Variants in SCN10A observed in about 807,000 individuals in gnomAD.
SCN10A encodes the protein sodium voltage-gated channel alpha subunit 10.
In SCN10A, 162 loss-of-function variants were observed where a neutral mutation model predicts 170.7. The observed-to-expected ratio is 0.95, with a 90% CI of 0.84 to 1.08. The LOEUF is 1.08. SCN10A is among the 50% of genes least tolerant of loss of function. The probability of loss-of-function intolerance (pLI) is 0.00; values close to 1 mark genes in which losing one functional copy is unlikely to be tolerated. For synonymous variants in SCN10A, 985 were observed against 904.6 expected, an observed-to-expected ratio of 1.09 and a Z score of -1.59; for missense variants, 2,527 against 2,436.9, an observed-to-expected ratio of 1.04 and a Z score of -0.78.
chr3:38,777,056 A>G (rs574987020), intron 4 of SCN10A, among the ~76,000 whole-genome samples: 32 of 152,246 alleles, frequency 2.1e-4, no homozygotes, highest in African/African-American at 7.7e-4. Flanking sequence ...GACTCTCATA[A>G]ACATCATAAT....
intron 15 of SCN10A, among the ~76,000 whole-genome samples, chr3:38,733,047 G>A (rs1204989968): frequency 2.0e-5 from 3 of 152,092 alleles, no homozygotes; most frequent in Non-Finnish European, 2.9e-5. Context: ...AAAGGCATGG[G>A]GAAAGGAAAG....
In SCN10A at chr3:38,793,651, C is replaced by T. The variant is rs2064313103; in HGVS notation, c.270+90G>A. 34 of 1,390,568 alleles carry T rather than the reference C, an allele frequency of 2.4e-5. 1 individual carries two copies. In the South Asian group the frequency reaches 4.6e-4, roughly 19 times the overall value. The allele number at this position is 1,390,568 out of a possible 1,614,324, so 86.1% of individuals were successfully genotyped here. A position where few individuals can be genotyped will look rare whatever the true frequency, so the allele number is the denominator to read the frequency against. Reference sequence around the variant, plus strand: ...GAATCTTTAGCAGACTGCCACATCACCCAGGGCCAAGGAGGACTTTCTGGG... The same window carrying T: ...GAATCTTTAGCAGACTGCCACATCATCCAGGGCCAAGGAGGACTTTCTGGG... On this transcript the variant is annotated intron_variant, in intron 2 of 27. Coordinates refer to ENST00000449082, the MANE Select transcript of SCN10A (RefSeq NM_006514.4).
In SCN10A at chr3:38,728,866, G is replaced by C; in HGVS notation, c.2316C>G (p.Thr772=). Residue 772 remains threonine (T), a synonymous_variant, in exon 16 of 28, where the codon ACC becomes ACG. Transcript: ENST00000449082. ...CGATGATCTTGATGAGTGTGTTTAA[G>C]GTGGGCCAGGATTTGGCCAGCTTGA... ...RVFKLAKSWP[T]LNTLIKIIGN... The C allele has an allele frequency of 1.2e-6, 2 of 1,613,134 alleles. No homozygotes were observed. Among genetic ancestry groups the C allele is most frequent in the Non-Finnish European group, 1.7e-6 (2 of 1,179,144 alleles).
At chr3:38,743,144 T>C (rs144037687) in intron 13 of SCN10A, among the ~76,000 whole-genome samples, 26 of 152,298 alleles carry the variant, frequency 1.7e-4, no homozygotes, top group Admixed American at 6.5e-5. Flanking sequence ...TTCTACTTAC[T>C]CTCTGTTGAT....
At chr3:38,778,576 G>T (rs2064102419) in intron 4 of SCN10A, among the ~76,000 whole-genome samples, 1 of 151,956 alleles carries the variant, frequency 6.6e-6, no homozygotes, top group South Asian at 2.1e-4. Flanking sequence ...TAATGTTTCA[G>T]CAAGGAATAA....
Position 38,718,549 on chromosome 3 carries a change from A to G in SCN10A, c.3681+104T>C, listed in dbSNP as rs1219308243. The G allele has an allele frequency of 3.4e-6, 4 of 1,193,316 alleles. No homozygotes were observed. In the African/African-American group the frequency reaches 6.1e-5, roughly 18 times the overall value. 73.9% of individuals were successfully genotyped at this position (1,193,316 alleles called of 1,614,324 possible). A position where few individuals can be genotyped will look rare whatever the true frequency, so the allele number is the denominator to read the frequency against. On this transcript the variant is annotated intron_variant, in intron 21 of 27. Transcript: ENST00000449082. ...CTAAATGCTCAAAACTTTTCTTTGG[A>G]GTAGCCCTTGAGGGCCAGGTCTCTG... is the stretch of plus-strand genomic sequence containing the variant.
rs780019769 is a variant in SCN10A, at chr3:38,727,067, T to C, written c.2641-15A>G. On this transcript the variant is annotated splice_polypyrimidine_tract_variant and intron_variant, in intron 16 of 27. Coordinates refer to ENST00000449082, the MANE Select transcript of SCN10A (RefSeq NM_006514.4). ...AGGTTAAGCACCTGAAGAGAAGGAA[T>C]GGAAGGGAAGATTGATCAATCTCTA... 2 of 1,593,176 alleles carry C rather than the reference T, an allele frequency of 1.3e-6. No homozygotes were observed. The highest frequency in any genetic ancestry group is 1.7e-6 in the Non-Finnish European group (2 of 1,163,192).
At position 38,709,554 on chromosome 3, in the gene SCN10A, A is replaced by G. The variant is rs761462940; in HGVS notation, c.4205T>C (p.Ile1402Thr). The change falls in exon 25 of 28, where the codon ATC (isoleucine) becomes ACC (threonine). Residue 1402 changes from isoleucine to threonine, a missense_variant. Ile to Thr is a moderately conservative substitution (Grantham distance 89, BLOSUM62 -1). Coordinates refer to ENST00000449082, the MANE Select transcript of SCN10A (RefSeq NM_006514.4). ...VYMYLYFVIF[I>T]IFGGFFTLNL... ...CAGTGTGAAGAAGCCTCCAAAAATG[A>G]TGAAGATGACAAAGTACAAATACAT... 16 of 1,613,464 alleles carry G rather than the reference A, an allele frequency of 9.9e-6. No individual in the cohort carries two copies. The East Asian group carries it at 3.6e-4, about 36-fold the overall frequency.
chr3:38,739,737 G>T (rs1263232578), intron 14 of SCN10A, 49 bp from the exon 15 acceptor site: 5 of 1,452,152 alleles, frequency 3.4e-6, no homozygotes, highest in African/African-American at 2.9e-5. Flanking sequence ...TGGGGTCGGA[G>T]GCAATGATAA....
chr3:38,722,187 C>T, intron 20 of SCN10A, 71 bp downstream of exon 20: 2 of 1,472,846 alleles, frequency 1.4e-6, no homozygotes, highest in Non-Finnish European at 9.3e-7. Flanking sequence ...ACTGATGCAG[C>T]TCCAGGGCCT....
chr3:38,736,361 C>CTGTGTGTGTGTGTG lies in SCN10A; in HGVS notation c.2280+3140_2280+3153dup, dbSNP rs68001863. On this transcript the variant is annotated intron_variant, in intron 15 of 27. Transcript: ENST00000449082. ...ATAAGATGTTGGTAATAGGGAAACTCTGTGTGTGTGTGTGTGTGTGTGTGT... is the reference window on the plus strand; with the variant it reads ...ATAAGATGTTGGTAATAGGGAAACTCTGTGTGTGTGTGTGTGTGTGTGTGTGTGTGTGTGTGTGT... Among the ~76,000 whole-genome samples, 555 of 139,440 alleles carry CTGTGTGTGTGTGTG rather than the reference C, an allele frequency of 4.0e-3. 2 individuals carry two copies. The highest frequency in any genetic ancestry group is 8.5e-3 in the African/African-American group (322 of 37,846). 91.5% of individuals were successfully genotyped at this position (139,440 alleles called of 152,430 possible).
rs1003863466 is a variant in SCN10A at position 38,770,479 on chromosome 3, A to G, written c.599+800T>C. ...TCTCAGGCCAGTGGGGTTGTGTTCC[A>G]GAGGGAATTTTGGCTGCCTCTGCTG... On this transcript the variant is annotated intron_variant, in intron 5 of 27. Coordinates refer to ENST00000449082, the MANE Select transcript of SCN10A (RefSeq NM_006514.4). Among the ~76,000 whole-genome samples the G allele has an allele frequency of 2.0e-5, 3 of 152,150 alleles. No homozygotes were observed. The East Asian group carries it at 5.8e-4, about 29-fold the overall frequency.
At chr3:38,727,073 G>A (rs776341567) in intron 16 of SCN10A, 21 bp from the exon 17 acceptor site, 152 of 1,589,268 alleles carry the variant, frequency 9.6e-5, no homozygotes, top group Non-Finnish European at 1.3e-4. Context: ...GGAATGGAAG[G>A]GAAGATTGAT....
chr3:38,759,255 T>G (rs1646795897), intron 8 of SCN10A, among the ~76,000 whole-genome samples: 1 of 152,118 alleles, frequency 6.6e-6, no homozygotes, highest in African/African-American at 2.4e-5. Flanking sequence ...GATGGGCCTT[T>G]TTGATCTTTT....
In SCN10A at chr3:38,728,796, T is replaced by C. The variant is rs2063484932; in HGVS notation, c.2386A>G (p.Ile796Val). The change falls in exon 16 of 28, where the codon ATC (isoleucine) becomes GTC (valine). Residue 796 changes from isoleucine to valine, a missense_variant. Transcript: ENST00000449082. ...ALGNLTIILA[I>V]IVFVFALVGK... ...ACCAGAGCAAAGACAAAGACAATGA[T>C]GGCCAGGATGATGGTGAGGTTCCCC... 2 of 1,614,016 alleles carry C rather than the reference T, an allele frequency of 1.2e-6. No homozygotes were observed. The highest frequency in any genetic ancestry group is 1.7e-6 in the Non-Finnish European group (2 of 1,180,042).
intron 14 of SCN10A, 102 bp from the exon 15 acceptor site, chr3:38,739,790 C>A (rs2063611833): frequency 9.9e-7 from 1 of 1,013,844 alleles, no homozygotes; most frequent in Admixed American, 2.3e-5. Flanking sequence ...ATAGAAAATC[C>A]TTTTGTTTTG....
At chr3:38,783,194 A>G (rs571750965) in intron 4 of SCN10A, among the ~76,000 whole-genome samples, 73 of 152,190 alleles carry the variant, frequency 4.8e-4, no homozygotes, top group African/African-American at 1.7e-3. Context: ...TTGTTTCAAC[A>G]TTTGAATTTT....
Position 38,697,692 on chromosome 3 carries a change from G to T in SCN10A, c.5528C>A (p.Ala1843Glu). 1 of 1,614,136 alleles carries T rather than the reference G, an allele frequency of 6.2e-7. No individual in the cohort carries two copies. The highest frequency in any genetic ancestry group is 2.2e-5 in the East Asian group (1 of 44,876). Residue 1843 changes from alanine (A) to glutamate (E), a missense_variant, in exon 28 of 28, where the codon GCA becomes GAA. Transcript: ENST00000449082. ...TTCTTGCTTCCATCGGAGAGTGGTT[G>T]CTATTGGTTCATAGGATGATTTTGA... ...NLSKSSYEPI[A>E]TTLRWKQEDI... is the part of the protein sequence containing the mutation.
chr3:38,715,475 G>A (rs1216057559), intron 21 of SCN10A, among the ~76,000 whole-genome samples: 4 of 152,196 alleles, frequency 2.6e-5, no homozygotes, highest in African/African-American at 9.7e-5. Flanking sequence ...TGTAGCCTGT[G>A]TCATATGGTC....
Sources: gnomAD v4.1 joint callset for allele counts (sites outside exome capture counted in the v4.1 genomes callset) on GRCh38, gnomAD v4.1.1 for gene constraint, MANE v1.5 for transcripts, NCBI Gene and HGNC (gene_info 2026-07-23, HGNC 2026-07-21) for gene names.